Variants in CASP6 observed in about 807,000 individuals in gnomAD.
CASP6 encodes the protein caspase 6, also known as caspase-6.
CASP6 carries 20 observed loss-of-function variants against 31.8 expected under a neutral mutation model. That is an observed-to-expected ratio of 0.63 (90% confidence interval 0.44 to 0.91). The LOEUF is 0.91. Among genes scored for constraint, CASP6 ranks in the 40% least tolerant of loss-of-function variants. The pLI is 0.00. For synonymous variants in CASP6, 130 were observed against 127.8 expected (o/e 1.02, Z -0.12); for missense variants, 328 against 361.1 (o/e 0.91, Z 0.74).
chr4:109,705,576 C>T (rs1263658544), upstream of CASP6, among the ~76,000 whole-genome samples: 2 of 151,992 alleles, frequency 1.3e-5, no homozygotes, highest in Non-Finnish European at 2.9e-5. Context: ...GGAAAGGATT[C>T]ATCATTCGAG....
chr4:109,705,112 A>G (rs1482479332), upstream of CASP6, among the ~76,000 whole-genome samples: 1 of 152,244 alleles, frequency 6.6e-6, no homozygotes, highest in African/African-American at 2.4e-5. Flanking sequence ...AAAGCTTCAA[A>G]GAACAGGCTG....
chr4:109,706,765 G>A (rs562520267), upstream of CASP6, among the ~76,000 whole-genome samples: 17 of 152,196 alleles, frequency 1.1e-4, no homozygotes, highest in South Asian at 8.3e-4. Context: ...AAAATTAGCC[G>A]GGCACGGTGG....
At chr4:109,685,204 GT>G, downstream of CASP6, 2 of 803,582 alleles carry the variant, frequency 2.5e-6, no homozygotes, top group Non-Finnish European at 4.3e-6. Context: ...GAGGCATTAT[GT>G]TCATTCAAAA....
chr4:109,689,403 A>T lies in CASP6; in HGVS notation c.809T>A (p.Ile270Asn), dbSNP rs141415909. 1.2e-6 allele frequency: 2 copies of T among 1,614,210 alleles called. No individual in the cohort carries two copies. Among genetic ancestry groups the T allele is most frequent in the Non-Finnish European group, 8.5e-7 (1 of 1,180,046 alleles). The change falls in exon 7 of 7, where the codon ATT (isoleucine) becomes AAT (asparagine). Residue 270 changes from isoleucine (I) to asparagine (N), a missense_variant. Physicochemically the swap from Ile to Asn is moderately radical, Grantham distance 149. Coordinates refer to ENST00000265164, the MANE Select transcript of CASP6 (RefSeq NM_001226.4). ...AAAACAGGGAACCTGCTTCTTTCCA[A>T]TTGCACTTGGGTCTTTGCAAAAGTC... ...RVDFCKDPSA[I>N]GKKQVPCFAS...
At chr4:109,685,075 TAAATG>T (rs952623926), downstream of CASP6, 32 of 475,444 alleles carry the variant, frequency 6.7e-5, no homozygotes, top group Non-Finnish European at 1.2e-4. Flanking sequence ...CAGCAGATCT[TAAATG>T]AGACTAAATG....
In CASP6 at chr4:109,689,555, G is replaced by C. The variant is rs374029012; in HGVS notation, c.657C>G (p.His219Gln). ...ACCATGAGCCGTTCACAGTTTCCCGGTGAGAATAATATCCTAAAAAAGTGA... is the reference window on the plus strand; with the variant it reads ...ACCATGAGCCGTTCACAGTTTCCCGCTGAGAATAATATCCTAAAAAAGTGA... ...CYSVAEGYYS[H>Q]RETVNGSWYI... Residue 219 changes from histidine (H) to glutamine (Q), a missense_variant, in exon 7 of 7, where the codon CAC (histidine) becomes CAG (glutamine). Physicochemically the swap from His to Gln is conservative, Grantham distance 24 (BLOSUM62 0). Transcript: ENST00000265164. 1 of 1,614,102 alleles carries C rather than the reference G, an allele frequency of 6.2e-7. No homozygotes were observed. Among genetic ancestry groups the C allele is most frequent in the Non-Finnish European group, 8.5e-7 (1 of 1,179,980 alleles).
Position 109,702,095 on chromosome 4 carries a change from C to A in CASP6, c.40+1261G>T, listed in dbSNP as rs114086861. On this transcript the variant is annotated intron_variant, in intron 1 of 6. Transcript: ENST00000265164. ...GGCCTAGAACATGCACTGGGGAGTG[C>A]GGTGGAGGAAGAAGAGGAAGGGAGC... is the stretch of plus-strand genomic sequence containing the variant. 6.9e-3 allele frequency among the ~76,000 whole-genome samples: 1,047 copies of A among 152,256 alleles called. 11 individuals carry two copies. The highest frequency in any genetic ancestry group is 0.024 in the African/African-American group (1,013 of 41,546).
the CASP6 span, among the ~76,000 whole-genome samples, chr4:109,668,263 C>T: frequency 1.3e-5 from 2 of 152,026 alleles, no homozygotes; most frequent in African/African-American, 4.8e-5. Flanking sequence ...ATGAATTCAT[C>T]TATTTCTTCT....
At chr4:109,685,117 A>T (rs547198173), downstream of CASP6, 1 of 580,424 alleles carries the variant, frequency 1.7e-6, no homozygotes, top group Admixed American at 2.8e-5. Flanking sequence ...GCTTACTCTC[A>T]TGGCCATTGC....
chr4:109,693,624 G>T (rs1554022038), intron 5 of CASP6, among the ~76,000 whole-genome samples: 1 of 149,218 alleles, frequency 6.7e-6, no homozygotes, highest in Non-Finnish European at 1.5e-5. Flanking sequence ...GGCGGAGGTT[G>T]CAGTGAGCCG....
upstream of CASP6, among the ~76,000 whole-genome samples, chr4:109,705,124 T>C (rs973937907): frequency 6.6e-6 from 1 of 152,266 alleles, no homozygotes; most frequent in East Asian, 1.9e-4. Context: ...AACAGGCTGA[T>C]GCTCTTGTTA....
At position 109,689,065 on chromosome 4, in the gene CASP6, T is replaced by A. The variant is rs1449545992; in HGVS notation, c.*265A>T. The A allele has an allele frequency of 6.6e-6, 2 of 304,806 alleles. No homozygotes were observed. Among genetic ancestry groups the A allele is most frequent in the Non-Finnish European group, 1.3e-5 (2 of 158,854 alleles). 18.9% of individuals were successfully genotyped at this position (304,806 alleles called of 1,614,324 possible). A position where few individuals can be genotyped will look rare whatever the true frequency, so the allele number is the denominator to read the frequency against. ...ATCTCGGCTCACCGCAGCCTCCACC[T>A]CCTGGGTTCAAGTGATTCTCCTGCC... On this transcript the variant is annotated 3_prime_UTR_variant, in exon 7 of 7. Coordinates refer to ENST00000265164, the MANE Select transcript of CASP6 (RefSeq NM_001226.4).
intron 1 of CASP6, among the ~76,000 whole-genome samples, chr4:109,701,469 C>T (rs1180212352): frequency 6.6e-6 from 1 of 151,898 alleles, no homozygotes; most frequent in Admixed American, 6.6e-5. Context: ...CCCTCTGTCG[C>T]CCAGGCTGCA....
chr4:109,692,666 CTG>C (rs1452314661), intron 5 of CASP6: 1 of 152,196 alleles, frequency 6.6e-6, no homozygotes, highest in African/African-American at 2.4e-5. Context: ...CTTTTTCAGG[CTG>C]TATTCAACAC....
the CASP6 span, among the ~76,000 whole-genome samples, chr4:109,671,064 C>T: frequency 5.3e-5 from 8 of 152,108 alleles, no homozygotes; most frequent in Non-Finnish European, 8.8e-5. Context: ...TCAATTTTGG[C>T]GACAGCAATT....
intron 6 of CASP6, 61 bp from the exon 7 acceptor site, chr4:109,689,629 TC>T: frequency 7.1e-7 from 1 of 1,407,104 alleles, no homozygotes; most frequent in Middle Eastern, 1.8e-4. Context: ...CTGTGTGTAT[TC>T]TTTTTAGTTA....
At chr4:109,673,859 G>A in the CASP6 span, 3 of 765,632 alleles carry the variant, frequency 3.9e-6, no homozygotes, top group African/African-American at 3.4e-5. Context: ...GCAGACACAG[G>A]TGTTTCTCTT....
chr4:109,702,292 C>T (rs1228921654), intron 1 of CASP6, among the ~76,000 whole-genome samples: 1 of 151,874 alleles, frequency 6.6e-6, no homozygotes, highest in Non-Finnish European at 1.5e-5. Flanking sequence ...AGTTCTTAAA[C>T]AAAGGCACTC....
In CASP6 at chr4:109,689,551, C is replaced by T; in HGVS notation, c.661G>A (p.Glu221Lys). ...ATGTACCATGAGCCGTTCACAGTTT[C>T]CCGGTGAGAATAATATCCTAAAAAA... ...SVAEGYYSHR[E>K]TVNGSWYIQD... is the part of the protein sequence containing the mutation. The change falls in exon 7 of 7, where the codon GAA becomes AAA. Residue 221 changes from glutamate to lysine, a missense_variant. Coordinates refer to ENST00000265164, the MANE Select transcript of CASP6 (RefSeq NM_001226.4). The T allele has an allele frequency of 6.2e-7, 1 of 1,614,096 alleles. No individual in the cohort carries two copies. The highest frequency in any genetic ancestry group is 8.5e-7 in the Non-Finnish European group (1 of 1,179,984).
Sources: allele counts gnomAD v4.1 joint callset (sites outside exome capture counted in the v4.1 genomes callset), GRCh38; gene constraint gnomAD v4.1.1; transcripts MANE v1.5; gene names NCBI Gene and HGNC (gene_info 2026-07-23, HGNC 2026-07-21).